Variants in TANGO6 observed in about 807,000 individuals in gnomAD.
TANGO6 encodes transport and golgi organization 6 homolog.
A neutral mutation model predicts 114.2 loss-of-function variants in TANGO6; 90 were observed. The ratio of observed to expected loss-of-function variants is 0.79; its 90% confidence interval spans 0.66 to 0.94. The LOEUF is 0.94. TANGO6 is among the 40% of genes least tolerant of loss of function. The pLI, the probability that TANGO6 is intolerant of heterozygous loss-of-function variation, is 0.00. For missense variants in TANGO6, 1,274 were observed against 1,315.3 expected (o/e 0.97, Z 0.49); for synonymous variants, 477 against 509.8 (o/e 0.94, Z 0.87).
chr16:68,935,239 G>A (rs1963288896), intron 14 of TANGO6, among the ~76,000 whole-genome samples: 1 of 152,146 alleles, frequency 6.6e-6, no homozygotes, highest in Non-Finnish European at 1.5e-5. Flanking sequence ...CCTGGTTGTG[G>A]TTTGAGTAGC....
intron 14 of TANGO6, among the ~76,000 whole-genome samples, chr16:68,964,563 A>ATTTTTT (rs762474177): frequency 3.0e-5 from 4 of 133,360 alleles, no homozygotes; most frequent in Non-Finnish European, 6.4e-5. Flanking sequence ...AAACATATTA[A>ATTTTTT]TTTTTTTTTT....
At chr16:69,011,007 T>C (rs1408758361) in intron 15 of TANGO6, among the ~76,000 whole-genome samples, 5 of 152,250 alleles carry the variant, frequency 3.3e-5, no homozygotes, top group Non-Finnish European at 5.9e-5. Context: ...ACAATTTTAA[T>C]GCCCATATGT....
At chr16:68,921,082 G>A (rs1412044435) in intron 12 of TANGO6, among the ~76,000 whole-genome samples, 6 of 132,578 alleles carry the variant, frequency 4.5e-5, no homozygotes, top group Admixed American at 3.3e-4. Flanking sequence ...TCGCGCCACT[G>A]CACTCCAGCC....
At chr16:68,994,394 A>T (rs940222205) in intron 15 of TANGO6, among the ~76,000 whole-genome samples, 1 of 152,004 alleles carries the variant, frequency 6.6e-6, no homozygotes, top group Non-Finnish European at 1.5e-5. Flanking sequence ...CTCCCATTTA[A>T]AACTTCCCTC....
intron 8 of TANGO6, among the ~76,000 whole-genome samples, chr16:68,901,350 A>G (rs1353388310): frequency 6.6e-6 from 1 of 152,230 alleles, no homozygotes; most frequent in African/African-American, 2.4e-5. Context: ...AAGCTTACAT[A>G]GTTCCCCTGG....
intron 14 of TANGO6, among the ~76,000 whole-genome samples, chr16:68,958,417 A>AG (rs952854248): frequency 1.4e-5 from 2 of 140,058 alleles, no homozygotes; most frequent in Non-Finnish European, 3.0e-5. Flanking sequence ...TGAACCTGGG[A>AG]GGCGGAGGTT....
intron 17 of TANGO6, among the ~76,000 whole-genome samples, chr16:69,056,874 G>A (rs1355409080): frequency 6.6e-6 from 1 of 151,784 alleles, no homozygotes; most frequent in Non-Finnish European, 1.5e-5. Context: ...TAGAGACGGG[G>A]TTTCACCGTG....
At chr16:69,052,944 C>G (rs1347859871) in intron 17 of TANGO6, among the ~76,000 whole-genome samples, 1 of 151,958 alleles carries the variant, frequency 6.6e-6, no homozygotes, top group East Asian at 1.9e-4. Flanking sequence ...CCTCATCTCT[C>G]CTAAAAATAC....
chr16:68,896,534 C>T (rs1253810263), intron 7 of TANGO6, among the ~76,000 whole-genome samples: 1 of 151,804 alleles, frequency 6.6e-6, no homozygotes, highest in Non-Finnish European at 1.5e-5. Flanking sequence ...TGGTCTTGAA[C>T]TCCTGGGCAC....
intron 3 of TANGO6, among the ~76,000 whole-genome samples, chr16:68,865,002 G>T (rs528505973): frequency 6.6e-6 from 1 of 152,256 alleles, no homozygotes; most frequent in East Asian, 1.9e-4. Flanking sequence ...GTGGTGCCGG[G>T]CGTGGTGGCT....
At chr16:68,919,056 A>G in intron 11 of TANGO6, 29 bp from the exon 12 acceptor site, 1 of 1,592,030 alleles carries the variant, frequency 6.3e-7, no homozygotes, top group Non-Finnish European at 8.6e-7. Context: ...TTCATTCCTC[A>G]TTGATTCTCA....
At chr16:69,002,028 A>T (rs1397234476) in intron 15 of TANGO6, among the ~76,000 whole-genome samples, 1 of 152,192 alleles carries the variant, frequency 6.6e-6, no homozygotes, top group Non-Finnish European at 1.5e-5. Context: ...AAGTAATGTG[A>T]TGCAAAACAG....
intron 12 of TANGO6, among the ~76,000 whole-genome samples, chr16:68,923,583 T>A (rs1329989925): frequency 3.3e-5 from 5 of 152,168 alleles, no homozygotes; most frequent in Non-Finnish European, 7.3e-5. Context: ...AAATTCCCAT[T>A]ATTTCAAGCT....
chr16:68,856,028 T>C lies in TANGO6; in HGVS notation c.95-3856T>C, dbSNP rs188648082. 4.4e-3 allele frequency among the ~76,000 whole-genome samples: 668 copies of C among 152,364 alleles called. 4 individuals are homozygous for C. The highest frequency in any genetic ancestry group is 6.9e-3 in the Admixed American group (105 of 15,310). Reference sequence around the variant, plus strand: ...TTTATTAGTTCTAGTAGTTGTTTTATAGAGTCCTTAGGGCTTTTTACATAA... The same window carrying C: ...TTTATTAGTTCTAGTAGTTGTTTTACAGAGTCCTTAGGGCTTTTTACATAA... On this transcript the variant is annotated intron_variant, in intron 1 of 17. Coordinates refer to ENST00000261778, the MANE Select transcript of TANGO6 (RefSeq NM_024562.2).
chr16:69,022,166 G>A (rs554798754), intron 15 of TANGO6, among the ~76,000 whole-genome samples: 7 of 152,088 alleles, frequency 4.6e-5, no homozygotes, highest in East Asian at 3.9e-4. Flanking sequence ...GATTACAGGC[G>A]TGAGCCACCG....
chr16:68,876,404 G>A (rs1286942536), intron 5 of TANGO6, among the ~76,000 whole-genome samples: 4 of 152,060 alleles, frequency 2.6e-5, no homozygotes, highest in South Asian at 2.1e-4. Context: ...CAGGTGATCC[G>A]CCTGCCTCGG....
chr16:68,873,459 G>A (rs916856712), intron 4 of TANGO6, among the ~76,000 whole-genome samples: 5 of 151,872 alleles, frequency 3.3e-5, no homozygotes, highest in South Asian at 2.1e-4. Flanking sequence ...GATTACAGGC[G>A]CCCACCACCA....
chr16:68,843,881 A>T (rs2152147081), intron 1 of TANGO6, among the ~76,000 whole-genome samples, 170 bp downstream of exon 1: 1 of 152,272 alleles, frequency 6.6e-6, no homozygotes, highest in South Asian at 2.1e-4. Flanking sequence ...TACGTTCTTG[A>T]GGAAACTGAG....
chr16:68,929,212 C>T (rs1295120152), intron 13 of TANGO6, among the ~76,000 whole-genome samples: 7 of 152,142 alleles, frequency 4.6e-5, no homozygotes, highest in Admixed American at 2.0e-4. Flanking sequence ...AGCCACCGCG[C>T]CTGGCCTTAA....
Sources: allele counts gnomAD v4.1 joint callset (sites outside exome capture counted in the v4.1 genomes callset), GRCh38; gene constraint gnomAD v4.1.1; transcripts MANE v1.5; gene names NCBI Gene and HGNC (gene_info 2026-07-23, HGNC 2026-07-21).